CIZ1: variants seen among roughly 807,000 people sequenced by gnomAD.
CIZ1 encodes the protein cip1-interacting zinc finger protein.
In CIZ1, 58 loss-of-function variants were observed where a neutral mutation model predicts 118.6. The ratio of observed to expected loss-of-function variants is 0.49; its 90% CI spans 0.40 to 0.61. The LOEUF (loss-of-function observed/expected upper bound fraction) is 0.61. CIZ1 is among the 20% of genes least tolerant of loss of function. CIZ1 has a pLI of 0.00. For missense variants in CIZ1, 921 were observed against 1,115.9 expected (o/e 0.83, Z 2.49); for synonymous variants, 448 against 443.4 (o/e 1.01, Z -0.13).
chr9:128,169,023 GC>G, intron 14 of CIZ1, 28 bp downstream of exon 14: 1 of 1,613,164 alleles, frequency 6.2e-7, no homozygotes, highest in East Asian at 2.2e-5. Context: ...CCAGCACCAA[GC>G]CCGCCTCCCA....
chr9:128,177,555 T>TGCTGGCTGTATCA lies in CIZ1; in HGVS notation c.1818+10_1818+11insTGATACAGCCAGC. ...CCCACCCCTCCCCACCCTTATCTCC[T>TGCTGGCTGTATCA]GTATCAGTACCTGCTGGCTGGAGCA... On this transcript the variant is annotated intron_variant, in intron 10 of 16. Transcript: ENST00000372938. 1 of 499,226 alleles carries TGCTGGCTGTATCA rather than the reference T, an allele frequency of 2.0e-6. No individual in the cohort carries two copies. The highest frequency in any genetic ancestry group is 3.5e-6 in the Non-Finnish European group (1 of 289,800). 30.9% of individuals were successfully genotyped at this position (499,226 alleles called of 1,614,324 possible). A position where few individuals can be genotyped will look rare whatever the true frequency, so the allele number is the denominator to read the frequency against.
upstream of CIZ1, among the ~76,000 whole-genome samples, chr9:128,193,028 G>A (rs1167806756): frequency 6.6e-6 from 1 of 152,232 alleles, no homozygotes; most frequent in Non-Finnish European, 1.5e-5. Context: ...GAATTCGCGC[G>A]TCCATAAATC....
chr9:128,166,460 C>A lies in CIZ1; in HGVS notation c.2488-54G>T. The A allele has an allele frequency of 7.3e-7, 1 of 1,364,038 alleles. No homozygotes were observed. Among genetic ancestry groups the A allele is most frequent in the South Asian group, 1.4e-5 (1 of 69,786 alleles). The allele number at this position is 1,364,038 out of a possible 1,614,324, so 84.5% of individuals were successfully genotyped here. On this transcript the variant is annotated intron_variant, in intron 16 of 16. Transcript: ENST00000372938. This position sits in a 1 kb window ranked among gnomAD's most constrained non-coding sequence, Gnocchi z 4.4. ...GGGTCTCCTCCCTACATGGTATGCT[C>A]CTGGCCAGCAGCTACTTCCCCAGCT... is the stretch of plus-strand genomic sequence containing the variant.
chr9:128,201,365 G>A (rs898177534), intron 1 of CIZ1, among the ~76,000 whole-genome samples: 6 of 152,076 alleles, frequency 3.9e-5, no homozygotes, highest in African/African-American at 9.7e-5. Flanking sequence ...CAGGAGAATC[G>A]CTTGAACCCA....
At chr9:128,176,316 C>T in intron 11 of CIZ1, 35 bp downstream of exon 11, 1 of 1,606,740 alleles carries the variant, frequency 6.2e-7, no homozygotes, top group Non-Finnish European at 8.5e-7. Context: ...GACTGCCTAC[C>T]CCCCAACACA....
In CIZ1 at chr9:128,203,344, C is replaced by G. The variant is rs1833598713; in HGVS notation, c.-6+842G>C. ...CGGCGTCCGGGAGCGGTGCTCGCTC[C>G]GATCCCCGAGGGGCGGGGGCCCCGC... is the stretch of plus-strand genomic sequence containing the variant. On this transcript the variant is annotated intron_variant, in intron 1 of 17. Coordinates refer to the CIZ1 transcript ENST00000372948. This position sits in a 1 kb window ranked among gnomAD's most constrained non-coding sequence, Gnocchi z 5.3. 1.1e-6 allele frequency: 1 copy of G among 931,938 alleles called. No individual in the cohort carries two copies. Among genetic ancestry groups the G allele is most frequent in the Admixed American group, 4.8e-5 (1 of 20,946 alleles). 57.7% of individuals were successfully genotyped at this position (931,938 alleles called of 1,614,324 possible).
rs1403677110 is a variant in CIZ1 at position 128,166,564 on chromosome 9, G to A, written c.2488-158C>T. On this transcript the variant is annotated intron_variant, in intron 16 of 16. Coordinates refer to ENST00000372938, the MANE Select transcript of CIZ1 (RefSeq NM_001131016.2). This position sits in a 1 kb window ranked among gnomAD's most constrained non-coding sequence, Gnocchi z 4.4. ...CTCTGGGCCGTCTCTGGAGCTAACAGCCTGGCACTCAGCATCCCCTTGAAC... is the reference window on the plus strand; with the variant it reads ...CTCTGGGCCGTCTCTGGAGCTAACAACCTGGCACTCAGCATCCCCTTGAAC... The A allele has an allele frequency of 2.2e-6, 2 of 924,306 alleles. No homozygotes were observed. Among genetic ancestry groups the A allele is most frequent in the Non-Finnish European group, 1.6e-6 (1 of 617,656 alleles). The allele number at this position is 924,306 out of a possible 1,614,324, so 57.3% of individuals were successfully genotyped here.
At position 128,179,047 on chromosome 9, in the gene CIZ1, CCCTGTGAATGTG is replaced by C. The variant is rs1177825590; in HGVS notation, c.1148_1159del (p.Ala383_Gln386del). 2.5e-6 allele frequency: 4 copies of C among 1,612,420 alleles called. No individual in the cohort carries two copies. Among genetic ancestry groups the C allele is most frequent in the South Asian group, 1.1e-5 (1 of 91,008 alleles). The stretch of plus-strand genomic sequence containing the variant: ...CTGCTGCAGCTGCACCTGCCTTGGG[CCCTGTGAATGTG>C]CCTGTGGCTGTACCTGTGGCTGCAC... On this transcript the variant is annotated inframe_deletion, in exon 8 of 17. Transcript: ENST00000372938.
chr9:128,173,889 C>G (rs45463296), intron 11 of CIZ1, among the ~76,000 whole-genome samples: 2,719 of 152,086 alleles, frequency 0.018, 51 homozygotes, highest in Non-Finnish European at 0.028. Flanking sequence ...GCCTGTAGTC[C>G]CAGCTACTCG....
At position 128,190,231 on chromosome 9, in the gene CIZ1, C is replaced by T. The variant is rs1021376751; in HGVS notation, c.286+98G>A. On this transcript the variant is annotated intron_variant, in intron 3 of 16. Transcript: ENST00000372938. ...TGAACTAGGATGCCAAGAATAGCTC[C>T]CTCTCAGGGTGGCTGTGTGGAGTTG... 6.1e-6 allele frequency: 5 copies of T among 818,154 alleles called. No individual in the cohort carries two copies. The South Asian group carries it at 7.6e-5, about 12-fold the overall frequency. The allele number at this position is 818,154 out of a possible 1,614,324, so 50.7% of individuals were successfully genotyped here. A position where few individuals can be genotyped will look rare whatever the true frequency, so the allele number is the denominator to read the frequency against.
intron 10 of CIZ1, 71 bp from the exon 11 acceptor site, chr9:128,176,546 G>A: frequency 6.7e-7 from 1 of 1,501,586 alleles, no homozygotes; most frequent in African/African-American, 1.4e-5. Flanking sequence ...TGGGGCCTGG[G>A]GAGGCAGACC....
At position 128,203,626 on chromosome 9, in the gene CIZ1, A is replaced by C; in HGVS notation, c.-6+560T>G. ...AGAGCTCGGTGCTCGAGAATTTCGT[A>C]GGCAGGTAGGCGCGGCGCGCCCCCA... On this transcript the variant is annotated intron_variant, in intron 1 of 17. Transcript: ENST00000372948. The surrounding 1 kb of genome is among the most constrained non-coding windows in gnomAD (Gnocchi z 5.3). 1 of 1,530,200 alleles carries C rather than the reference A, an allele frequency of 6.5e-7. No homozygotes were observed. Among genetic ancestry groups the C allele is most frequent in the Non-Finnish European group, 8.7e-7 (1 of 1,145,122 alleles). The allele number at this position is 1,530,200 out of a possible 1,614,324, so 94.8% of individuals were successfully genotyped here. A position where few individuals can be genotyped will look rare whatever the true frequency, so the allele number is the denominator to read the frequency against.
At chr9:128,178,525 C>T in intron 8 of CIZ1, 35 bp from the exon 9 acceptor site, 1 of 1,613,926 alleles carries the variant, frequency 6.2e-7, no homozygotes, top group Non-Finnish European at 8.5e-7. Context: ...TCCCAGAGTC[C>T]CCAGGCCCAA....
upstream of CIZ1, among the ~76,000 whole-genome samples, chr9:128,195,687 A>T (rs1031716651): frequency 6.6e-6 from 1 of 152,106 alleles, no homozygotes; most frequent in Non-Finnish European, 1.5e-5. Context: ...ATCCCTTCTC[A>T]TGATGATGTC....
intron 13 of CIZ1, 61 bp from the exon 14 acceptor site, chr9:128,169,262 A>AT: frequency 2.5e-6 from 3 of 1,185,922 alleles, no homozygotes; most frequent in East Asian, 3.3e-5. Flanking sequence ...GCCATGCCCT[A>AT]CCCACCCCAC....
upstream of CIZ1, among the ~76,000 whole-genome samples, chr9:128,192,986 G>A (rs1833263694): frequency 6.6e-6 from 1 of 152,224 alleles, no homozygotes; most frequent in African/African-American, 2.4e-5. Flanking sequence ...CCGGGCAGGC[G>A]GAGCGCGTTG....
chr9:128,178,882 C>T lies in CIZ1; in HGVS notation c.1325G>A (p.Ser442Asn), dbSNP rs762986919. Residue 442 changes from serine to asparagine, a missense_variant, in exon 8 of 17, where the codon AGC (serine) becomes AAC (asparagine). Ser to Asn is a conservative substitution (Grantham distance 46). Transcript: ENST00000372938. ...TGGAGGATGCTCCTGTGGCTGGACG[C>T]TTGGCTGTGCCTGTGTGTGGACCTG... ...YPQVHTQAQPSVQPQEHPPAQ... is the reference protein window; with the variant it reads ...YPQVHTQAQPNVQPQEHPPAQ... 1.9e-6 allele frequency: 3 copies of T among 1,614,100 alleles called. No homozygotes were observed. The highest frequency in any genetic ancestry group is 1.3e-5 in the African/African-American group (1 of 74,934).
chr9:128,175,245 C>T (rs1353606372), intron 11 of CIZ1, among the ~76,000 whole-genome samples: 5 of 152,164 alleles, frequency 3.3e-5, no homozygotes, highest in Non-Finnish European at 7.3e-5. Context: ...ACGAGCTGGA[C>T]GGGCTTTTTC....
rs376108260 is a variant in CIZ1 at position 128,200,935 on chromosome 9, A to G, written c.-6+3251T>C. Among the ~76,000 whole-genome samples the G allele has an allele frequency of 2.4e-4, 37 of 152,168 alleles. No individual in the cohort carries two copies. The East Asian group carries it at 2.7e-3, about 11-fold the overall frequency. ...AGGATCACAAGGTCAAGAGATCGAG[A>G]CCATCCCGGCCGACATGGTGAAACC... On this transcript the variant is annotated intron_variant, in intron 1 of 17. Transcript: ENST00000372948.
Sources: gnomAD v4.1 joint callset for allele counts (sites outside exome capture counted in the v4.1 genomes callset) on GRCh38, gnomAD v4.1.1 for gene constraint, Gnocchi (gnomAD v3.1) non-coding constraint, MANE v1.5 for transcripts, NCBI Gene and HGNC (gene_info 2026-07-23, HGNC 2026-07-21) for gene names.